Variants in NAA20 observed in about 807,000 individuals in gnomAD.
The protein encoded by NAA20 is N-alpha-acetyltransferase 20, NatB catalytic subunit, also known as N-alpha-acetyltransferase 20.
In NAA20, 24 loss-of-function variants were observed where a neutral mutation model predicts 23.8. The ratio of observed to expected loss-of-function variants is 1.01; its 90% CI spans 0.73 to 1.42. NAA20 has a LOEUF of 1.42. NAA20 is among the 40% of genes most tolerant of loss of function. The pLI is 0.00. For missense variants in NAA20, 166 were observed against 223.1 expected (o/e 0.74, Z 1.63); for synonymous variants, 83 against 77.7 (o/e 1.07, Z -0.36).
chr20:20,019,937 ACT>A (rs1410273191), intron 1 of NAA20, among the ~76,000 whole-genome samples: 2 of 152,162 alleles, frequency 1.3e-5, no homozygotes, highest in Non-Finnish European at 2.9e-5. Context: ...TTGGTAGAAA[ACT>A]CTGAGAATGA....
intron 4 of NAA20, among the ~76,000 whole-genome samples, chr20:20,030,854 T>TTA (rs1005087234): frequency 3.3e-5 from 5 of 151,934 alleles, no homozygotes; most frequent in African/African-American, 4.8e-5. Flanking sequence ...TCAATTGTAT[T>TTA]TATATATATA....
At chr20:20,021,253 C>A (rs1225582060) in intron 1 of NAA20, among the ~76,000 whole-genome samples, 2 of 151,994 alleles carry the variant, frequency 1.3e-5, no homozygotes, top group Non-Finnish European at 2.9e-5. Flanking sequence ...TTTGGGGTCC[C>A]CAAGATTGTT....
chr20:20,017,831 C>A, intron 1 of NAA20: 1 of 1,506,396 alleles, frequency 6.6e-7, no homozygotes, highest in Admixed American at 2.0e-5. Context: ...TGCCCTACTG[C>A]TTGCTGGTTC....
intron 2 of NAA20, among the ~76,000 whole-genome samples, chr20:20,024,619 A>C (rs1260707829): frequency 6.6e-6 from 1 of 152,222 alleles, no homozygotes; most frequent in Admixed American, 6.5e-5. Context: ...ATTTGCAGTG[A>C]AAGTCCCATA....
intron 1 of NAA20, chr20:20,017,900 G>C: frequency 6.2e-7 from 1 of 1,600,152 alleles, no homozygotes; most frequent in South Asian, 1.1e-5. Flanking sequence ...GCCGCAGAGG[G>C]GGCTTGCGAG....
Position 20,026,418 on chromosome 20 carries a change from C to A in NAA20, c.170-366C>A, listed in dbSNP as rs375327521. 1.9e-4 allele frequency among the ~76,000 whole-genome samples: 29 copies of A among 152,124 alleles called. No homozygotes were observed. In the South Asian group the frequency reaches 6.0e-3, roughly 32 times the overall value. On this transcript the variant is annotated intron_variant, in intron 3 of 5. Coordinates refer to ENST00000334982, the MANE Select transcript of NAA20 (RefSeq NM_016100.5). ...CATTGAATTAGCATTACTAACAGAACCTTTAGCTCTGAACTATATGTGTAC... is the reference window on the plus strand; with the variant it reads ...CATTGAATTAGCATTACTAACAGAAACTTTAGCTCTGAACTATATGTGTAC...
At chr20:20,026,020 T>C (rs1174543466) in intron 3 of NAA20, among the ~76,000 whole-genome samples, 3 of 152,050 alleles carry the variant, frequency 2.0e-5, no homozygotes, top group Admixed American at 1.3e-4. Flanking sequence ...TCTTTCATTC[T>C]AAGGCCAGGT....
intron 1 of NAA20, among the ~76,000 whole-genome samples, chr20:20,021,031 C>G (rs954112823): frequency 1.6e-4 from 1 of 6,296 alleles, no homozygotes; most frequent in Admixed American, 2.3e-3. Context: ...TGCGTGGGTT[C>G]GGTGGGCGGG....
At chr20:20,032,210 T>C (rs1331971377) in intron 4 of NAA20, among the ~76,000 whole-genome samples, 1 of 151,878 alleles carries the variant, frequency 6.6e-6, no homozygotes, top group African/African-American at 2.4e-5. Context: ...CAGGAGAAAC[T>C]GTAATAGGTG....
At chr20:20,017,684 T>G (rs1390118888) in intron 1 of NAA20, 2 of 1,416,666 alleles carry the variant, frequency 1.4e-6, no homozygotes, top group Non-Finnish European at 9.2e-7. Flanking sequence ...GTGCTCAAAC[T>G]TTGTCTCTGG....
At chr20:20,017,552 C>T in intron 1 of NAA20, 103 bp downstream of exon 1, 7 of 1,441,310 alleles carry the variant, frequency 4.9e-6, no homozygotes, top group Non-Finnish European at 6.4e-6. Flanking sequence ...ACCCCAAGCC[C>T]GGACGGGGAC....
chr20:20,017,719 G>T, intron 1 of NAA20: 1 of 1,430,658 alleles, frequency 7.0e-7, no homozygotes, highest in Non-Finnish European at 9.1e-7. Context: ...CAGGTTCTGG[G>T]GCAGCGCTCG....
At chr20:20,033,035 C>T (rs2043359096) in intron 5 of NAA20, 67 bp from the exon 6 acceptor site, 3 of 1,253,612 alleles carry the variant, frequency 2.4e-6, no homozygotes, top group African/African-American at 1.5e-5. Flanking sequence ...GGGAACTTTA[C>T]CTATACACTT....
intron 4 of NAA20, among the ~76,000 whole-genome samples, chr20:20,027,929 C>T (rs1286843926): frequency 6.6e-6 from 1 of 152,048 alleles, no homozygotes; most frequent in African/African-American, 2.4e-5. Flanking sequence ...ACTGTAATTT[C>T]CTAAAAGTGT....
rs1359928317 is a variant in NAA20, at chr20:20,025,749, G to A, written c.151G>A (p.Gly51Arg). 7 of 1,606,310 alleles carry A rather than the reference G, an allele frequency of 4.4e-6. No individual in the cohort carries two copies. The highest frequency in any genetic ancestry group is 6.0e-6 in the Non-Finnish European group (7 of 1,172,966). The change falls in exon 3 of 6, where the codon GGA becomes AGA. Residue 51 changes from glycine (G) to arginine (R), a missense_variant. Gly to Arg is a moderately radical substitution (Grantham distance 125). Coordinates refer to ENST00000334982, the MANE Select transcript of NAA20 (RefSeq NM_016100.5). ...TTTCATTGTTGCAGAGGCACCTGGT[G>A]GAGAATTAATGGGTTATAGTAAGTA... ...EYFIVAEAPGGELMGYIMGKA... is the reference protein window; with the variant it reads ...EYFIVAEAPGRELMGYIMGKA...
chr20:20,021,504 T>G (rs962521813), intron 1 of NAA20, among the ~76,000 whole-genome samples: 11 of 152,202 alleles, frequency 7.2e-5, no homozygotes, highest in Non-Finnish European at 1.6e-4. Context: ...GTATAGTGAT[T>G]TTTTTGGTAA....
chr20:20,019,524 G>A (rs1222421670), intron 1 of NAA20, among the ~76,000 whole-genome samples: 1 of 152,204 alleles, frequency 6.6e-6, no homozygotes, highest in African/African-American at 2.4e-5. Flanking sequence ...GAAAATATTA[G>A]ATTTCAGAGA....
intron 1 of NAA20, chr20:20,017,721 C>A (rs905760086): frequency 7.7e-6 from 11 of 1,430,162 alleles, no homozygotes; most frequent in Non-Finnish European, 1.0e-5. Flanking sequence ...GGTTCTGGGG[C>A]AGCGCTCGGG....
intron 3 of NAA20, among the ~76,000 whole-genome samples, chr20:20,026,361 T>C (rs2043306330): frequency 6.6e-6 from 1 of 152,192 alleles, no homozygotes; most frequent in Admixed American, 6.5e-5. Context: ...ACATGGTTTA[T>C]TTAGTACATA....
Sources: gnomAD v4.1 joint callset for allele counts (sites outside exome capture counted in the v4.1 genomes callset) on GRCh38, gnomAD v4.1.1 for gene constraint, MANE v1.5 for transcripts, NCBI Gene and HGNC (gene_info 2026-07-23, HGNC 2026-07-21) for gene names.